NRXN3: variants seen among roughly 807,000 people sequenced by gnomAD.
NRXN3 encodes the protein neurexin III.
Under a neutral mutation model 137.6 loss-of-function variants are expected in NRXN3, and 32 were observed. The observed-to-expected ratio is 0.23, with a 90% CI of 0.18 to 0.31. The LOEUF is 0.31. NRXN3 is among the 10% of genes least tolerant of loss of function. NRXN3 has a pLI of 1.00. For synonymous variants in NRXN3, 798 were observed against 784.5 expected, an observed-to-expected ratio of 1.02 and a Z score of -0.29; for missense variants, 1,574 against 2,062.5, an observed-to-expected ratio of 0.76 and a Z score of 4.59.
intron 15 of NRXN3, among the ~76,000 whole-genome samples, chr14:79,044,569 C>CT (rs2099630031): frequency 6.6e-6 from 1 of 152,128 alleles, no homozygotes. Context: ...TGAATGTTTG[C>CT]TATAATTACT....
intron 15 of NRXN3, among the ~76,000 whole-genome samples, chr14:79,152,090 C>G (rs1270640278): frequency 6.6e-6 from 1 of 151,970 alleles, no homozygotes; most frequent in Non-Finnish European, 1.5e-5. Flanking sequence ...ATTTTCAACT[C>G]TGAGCCACTT....
intron 15 of NRXN3, among the ~76,000 whole-genome samples, chr14:79,436,986 T>C (rs1282760491): frequency 6.6e-6 from 1 of 152,164 alleles, no homozygotes; most frequent in Non-Finnish European, 1.5e-5. Context: ...GCAAACCTTG[T>C]TGTGGCTCCC....
chr14:79,799,608 A>G (rs1232638393), intron 19 of NRXN3, among the ~76,000 whole-genome samples: 1 of 152,144 alleles, frequency 6.6e-6, no homozygotes, highest in East Asian at 1.9e-4. Flanking sequence ...TAGTGGGTGT[A>G]TAAATAAACC....
rs2095966279 is a variant in NRXN3, at chr14:78,505,322, G to T, written c.758-139798G>T. Reference sequence around the variant, plus strand: ...GCTTCTTGTTTTTAGCTGGGCCAAAGAATGTTTTTCTTTTTTAATCTTATT... The same window carrying T: ...GCTTCTTGTTTTTAGCTGGGCCAAATAATGTTTTTCTTTTTTAATCTTATT... On this transcript the variant is annotated intron_variant, in intron 4 of 20. Coordinates refer to ENST00000335750, the MANE Select transcript of NRXN3 (RefSeq NM_001330195.2). Among the ~76,000 whole-genome samples, 5 of 152,200 alleles carry T rather than the reference G, an allele frequency of 3.3e-5. No homozygotes were observed. In the South Asian group the frequency reaches 1.0e-3, roughly 32 times the overall value.
chr14:78,487,743 A>C lies in NRXN3; in HGVS notation c.758-157377A>C, dbSNP rs2095587409. 6.2e-3 allele frequency among the ~76,000 whole-genome samples: 8 copies of C among 1,288 alleles called. 1 individual carries two copies. In the South Asian group the frequency reaches 0.17, roughly 27 times the overall value. The allele number at this position is 1,288 out of a possible 152,430, so 0.8% of individuals were successfully genotyped here. A position where few individuals can be genotyped will look rare whatever the true frequency, so the allele number is the denominator to read the frequency against. On this transcript the variant is annotated intron_variant, in intron 4 of 20. Coordinates refer to ENST00000335750, the MANE Select transcript of NRXN3 (RefSeq NM_001330195.2). ...GGCCACAAGAGTGAAACTCCATCTCATAAATAAATAAATAAATAAATAAAT... is the reference window on the plus strand; with the variant it reads ...GGCCACAAGAGTGAAACTCCATCTCCTAAATAAATAAATAAATAAATAAAT...
intron 15 of NRXN3, among the ~76,000 whole-genome samples, chr14:79,135,124 C>G (rs1295318966): frequency 6.6e-6 from 1 of 152,108 alleles, no homozygotes; most frequent in Non-Finnish European, 1.5e-5. Context: ...TGAGACACAT[C>G]TTGACTAAAA....
At chr14:79,468,350 A>G (rs2153615027) in intron 16 of NRXN3, among the ~76,000 whole-genome samples, 1 of 152,364 alleles carries the variant, frequency 6.6e-6, no homozygotes, top group Admixed American at 6.5e-5. Context: ...ATCCATAAGT[A>G]CCCAAAGTGC....
intron 19 of NRXN3, among the ~76,000 whole-genome samples, chr14:79,704,224 G>C (rs2098767186): frequency 6.6e-6 from 1 of 152,110 alleles, no homozygotes; most frequent in African/African-American, 2.4e-5. Flanking sequence ...ATATCACATG[G>C]TTCTACGATG....
intron 3 of NRXN3, among the ~76,000 whole-genome samples, chr14:78,287,783 T>TAAAGGCTA (rs544281749): frequency 1.0e-3 from 158 of 152,316 alleles, no homozygotes; most frequent in African/African-American, 3.7e-3. Context: ...TCTTCTTTTC[T>TAAAGGCTA]AAAGGCTAAA....
chr14:78,385,446 A>G (rs1322978228), intron 4 of NRXN3, among the ~76,000 whole-genome samples: 1 of 152,208 alleles, frequency 6.6e-6, no homozygotes, highest in African/African-American at 2.4e-5. Context: ...ATTGAAATTA[A>G]TTGTGTTAAA....
chr14:78,963,319 C>T (rs2099411780), intron 11 of NRXN3, among the ~76,000 whole-genome samples: 1 of 152,150 alleles, frequency 6.6e-6, no homozygotes, highest in African/African-American at 2.4e-5. Flanking sequence ...TCAATCTTCA[C>T]CAGAGATTCC....
chr14:78,618,013 C>A (rs1392881020), intron 4 of NRXN3, among the ~76,000 whole-genome samples: 1 of 151,828 alleles, frequency 6.6e-6, no homozygotes, highest in Non-Finnish European at 1.5e-5. Flanking sequence ...ACCTATCTAT[C>A]TATTTATCAA....
intron 20 of NRXN3, among the ~76,000 whole-genome samples, chr14:79,810,129 C>G (rs1289631343): frequency 6.6e-6 from 1 of 152,052 alleles, no homozygotes; most frequent in Non-Finnish European, 1.5e-5. Flanking sequence ...TGATCAACTT[C>G]CTGGATTTTA....
chr14:79,633,912 G>A (rs2098381765), intron 16 of NRXN3, among the ~76,000 whole-genome samples: 1 of 151,880 alleles, frequency 6.6e-6, no homozygotes, highest in African/African-American at 2.4e-5. Context: ...GGGCCCCCAC[G>A]AAGCTCTGCC....
At chr14:78,878,947 G>T (rs1053005363) in intron 10 of NRXN3, among the ~76,000 whole-genome samples, 2 of 151,856 alleles carry the variant, frequency 1.3e-5, no homozygotes, top group Non-Finnish European at 2.9e-5. Context: ...AAGCGAGGTC[G>T]TGCAGTATTT....
At chr14:79,859,098 G>A (rs1430108115) in intron 20 of NRXN3, among the ~76,000 whole-genome samples, 2 of 151,886 alleles carry the variant, frequency 1.3e-5, no homozygotes, top group Non-Finnish European at 2.9e-5. Context: ...CCAGAATAGA[G>A]GCTTAGGTTT....
chr14:78,916,662 G>A (rs928821081), intron 10 of NRXN3, among the ~76,000 whole-genome samples: 3 of 152,204 alleles, frequency 2.0e-5, no homozygotes, highest in Non-Finnish European at 2.9e-5. Flanking sequence ...TGGGGAATTT[G>A]AGTTTTATTC....
chr14:79,551,831 C>T (rs182058335), intron 16 of NRXN3, among the ~76,000 whole-genome samples: 1 of 152,256 alleles, frequency 6.6e-6, no homozygotes, highest in East Asian at 1.9e-4. Context: ...GCTGAGCGCA[C>T]AGCTCATAAA....
At chr14:79,388,668 T>C (rs1454186750) in intron 15 of NRXN3, among the ~76,000 whole-genome samples, 1 of 152,132 alleles carries the variant, frequency 6.6e-6, no homozygotes, top group East Asian at 1.9e-4. Flanking sequence ...TCATATCCCT[T>C]ACCCAGGCCT....
Sources: gnomAD v4.1 joint callset for allele counts (sites outside exome capture counted in the v4.1 genomes callset) on GRCh38, gnomAD v4.1.1 for gene constraint, MANE v1.5 for transcripts, NCBI Gene and HGNC (gene_info 2026-07-23, HGNC 2026-07-21) for gene names.